Variants in ZNF407 observed in about 807,000 individuals in gnomAD.
The protein encoded by ZNF407 is zinc finger protein 407.
In ZNF407, 17 loss-of-function variants were observed where a neutral mutation model predicts 131.2. That is an observed-to-expected ratio of 0.13 (90% CI 0.09 to 0.19). The LOEUF (loss-of-function observed/expected upper bound fraction) is 0.19. Among genes scored for constraint, ZNF407 ranks in the 10% least tolerant of loss-of-function variants. The pLI is 1.00. For missense variants in ZNF407, 2,681 were observed against 2,830.6 expected (o/e 0.95, Z 1.20); for synonymous variants, 1,156 against 1,062.0 (o/e 1.09, Z -1.72).
At chr18:74,867,948 T>C (rs1971036677) in intron 4 of ZNF407, among the ~76,000 whole-genome samples, 1 of 152,210 alleles carries the variant, frequency 6.6e-6, no homozygotes, top group African/African-American at 2.4e-5. Flanking sequence ...AAGAAAATAA[T>C]GTTACTAGAG....
Position 74,870,867 on chromosome 18 carries a change from A to G in ZNF407, c.4878-6330A>G, listed in dbSNP as rs151245642. ...ACGATATATAGTATTTTGAAACTCC[A>G]TAGAAATATGGTGAACAGGTTACTA... On this transcript the variant is annotated intron_variant, in intron 4 of 8. Transcript: ENST00000299687. Among the ~76,000 whole-genome samples, 9 of 152,330 alleles carry G rather than the reference A, an allele frequency of 5.9e-5. No homozygotes were observed. The East Asian group carries it at 1.7e-3, about 29-fold the overall frequency.
At chr18:75,031,259 C>T (rs1467287244) in intron 8 of ZNF407, among the ~76,000 whole-genome samples, 1 of 152,192 alleles carries the variant, frequency 6.6e-6, no homozygotes, top group Admixed American at 6.5e-5. Context: ...AACAGGAAAA[C>T]AGTCATTAAA....
At chr18:74,819,222 CTA>C (rs1028311060) in intron 4 of ZNF407, among the ~76,000 whole-genome samples, 31 of 152,176 alleles carry the variant, frequency 2.0e-4, no homozygotes, top group Middle Eastern at 3.2e-3. Context: ...AGTATTCACA[CTA>C]TGTGTTTGGT....
chr18:74,828,999 A>G (rs1182725328), intron 4 of ZNF407, among the ~76,000 whole-genome samples: 3 of 152,208 alleles, frequency 2.0e-5, no homozygotes, highest in Non-Finnish European at 1.5e-5. Context: ...AGGGCCCCAC[A>G]TGTTATGTTG....
At chr18:74,840,372 C>T (rs1311875200) in intron 4 of ZNF407, among the ~76,000 whole-genome samples, 1 of 151,938 alleles carries the variant, frequency 6.6e-6, no homozygotes, top group Admixed American at 6.6e-5. Context: ...TCGAGCCAGA[C>T]CTTTCTCCCA....
chr18:74,724,222 A>G (rs1968105135), intron 3 of ZNF407, among the ~76,000 whole-genome samples: 4 of 152,142 alleles, frequency 2.6e-5, no homozygotes, highest in Non-Finnish European at 5.9e-5. Context: ...TGATGTAATA[A>G]TTGTACATAT....
At chr18:74,741,895 G>T (rs1968559686) in intron 3 of ZNF407, among the ~76,000 whole-genome samples, 1 of 152,108 alleles carries the variant, frequency 6.6e-6, no homozygotes, top group African/African-American at 2.4e-5. Context: ...ACAATTATTT[G>T]CTACTATAGG....
chr18:74,921,151 G>A (rs1319657525), intron 8 of ZNF407: 1 of 428,648 alleles, frequency 2.3e-6, no homozygotes, highest in Non-Finnish European at 3.1e-6. Flanking sequence ...AGCGTAGTGG[G>A]TGGTAACGGT....
chr18:74,761,851 A>T (rs1190361988), intron 3 of ZNF407, among the ~76,000 whole-genome samples: 1 of 152,226 alleles, frequency 6.6e-6, no homozygotes, highest in Non-Finnish European at 1.5e-5. Flanking sequence ...AACAATACCA[A>T]ATAAAATGGG....
At chr18:74,890,113 G>T in intron 7 of ZNF407, 75 bp downstream of exon 7, 2 of 1,355,318 alleles carry the variant, frequency 1.5e-6, no homozygotes, top group East Asian at 2.9e-5. Flanking sequence ...ATCCCAATTA[G>T]AAGTGTAGTT....
intron 8 of ZNF407, among the ~76,000 whole-genome samples, chr18:74,943,010 G>A (rs1465465342): frequency 1.3e-5 from 2 of 151,878 alleles, no homozygotes; most frequent in Non-Finnish European, 1.5e-5. Flanking sequence ...TCTGCCTCCT[G>A]GGTTCAAGCA....
intron 4 of ZNF407, among the ~76,000 whole-genome samples, chr18:74,871,508 T>C (rs980512026): frequency 6.8e-6 from 1 of 148,030 alleles, no homozygotes; most frequent in Non-Finnish European, 1.5e-5. Flanking sequence ...GCAATACCTG[T>C]CAGTTTTTTT....
intron 3 of ZNF407, among the ~76,000 whole-genome samples, chr18:74,734,468 A>C (rs191310684): frequency 2.6e-3 from 398 of 152,286 alleles, no homozygotes; most frequent in Non-Finnish European, 3.6e-3. Context: ...TTTAAAGTAA[A>C]AACAGAATAT....
intron 3 of ZNF407, among the ~76,000 whole-genome samples, chr18:74,700,033 C>A (rs903585466): frequency 3.9e-5 from 6 of 152,138 alleles, no homozygotes; most frequent in Middle Eastern, 3.4e-3. Flanking sequence ...ATATGGTTAC[C>A]ATGCTTAAAA....
rs137861592 is a variant in ZNF407, at chr18:74,798,159, C to T, written c.4877+16657C>T. ...TTCTGGCCAGAGACATTGCATGGAACAGTAAAAATGAAAGGTTTTACAGGT... is the reference window on the plus strand; with the variant it reads ...TTCTGGCCAGAGACATTGCATGGAATAGTAAAAATGAAAGGTTTTACAGGT... On this transcript the variant is annotated intron_variant, in intron 4 of 8. Transcript: ENST00000299687. Among the ~76,000 whole-genome samples, 43 of 151,294 alleles carry T rather than the reference C, an allele frequency of 2.8e-4. No homozygotes were observed. In the East Asian group the frequency reaches 6.0e-3, roughly 21 times the overall value.
intron 3 of ZNF407, among the ~76,000 whole-genome samples, chr18:74,756,762 A>AT (rs1968973958): frequency 6.6e-6 from 1 of 151,946 alleles, no homozygotes; most frequent in African/African-American, 2.4e-5. Context: ...TTGACTCTTC[A>AT]TTCAGTTGCT....
At chr18:74,729,543 C>G (rs1363184457) in intron 3 of ZNF407, among the ~76,000 whole-genome samples, 2 of 151,672 alleles carry the variant, frequency 1.3e-5, no homozygotes, top group Non-Finnish European at 2.9e-5. Context: ...TTCCCTCATT[C>G]GTTTACTGTG....
intron 3 of ZNF407, among the ~76,000 whole-genome samples, chr18:74,672,570 T>C (rs139614220): frequency 7.8e-4 from 119 of 152,280 alleles, no homozygotes; most frequent in Non-Finnish European, 6.2e-4. Flanking sequence ...GCACTGTTTG[T>C]TCATTGGAGC....
intron 3 of ZNF407, among the ~76,000 whole-genome samples, chr18:74,759,702 A>T (rs1969047995): frequency 6.6e-6 from 1 of 150,854 alleles, no homozygotes; most frequent in Non-Finnish European, 1.5e-5. Flanking sequence ...GAATTTATAT[A>T]TGCTTCTTTT....
Sources: allele counts gnomAD v4.1 joint callset (sites outside exome capture counted in the v4.1 genomes callset), GRCh38; gene constraint gnomAD v4.1.1; transcripts MANE v1.5; gene names NCBI Gene and HGNC (gene_info 2026-07-23, HGNC 2026-07-21).